The following LRRTM4 variants were observed in gnomAD, a reference collection of about 807,000 sequenced individuals.
LRRTM4 encodes the protein leucine-rich repeat transmembrane neuronal protein 4.
A neutral mutation model predicts 47.6 loss-of-function variants in LRRTM4; 25 were observed. The ratio of observed to expected loss-of-function variants is 0.53; its 90% CI spans 0.38 to 0.73. The LOEUF (loss-of-function observed/expected upper bound fraction) is 0.73, where lower values mean the gene tolerates loss of function less well. Ranked by LOEUF, LRRTM4 falls within the 30% of genes least tolerant of loss-of-function variation. LRRTM4 has a pLI of 0.00. For missense variants in LRRTM4, 638 were observed against 713.4 expected (o/e 0.89, Z 1.20); for synonymous variants, 311 against 269.5 (o/e 1.15, Z -1.51).
intron 3 of LRRTM4, among the ~76,000 whole-genome samples, chr2:76,881,954 T>C (rs1314644656): frequency 6.6e-6 from 1 of 152,188 alleles, no homozygotes; most frequent in Non-Finnish European, 1.5e-5. Flanking sequence ...AACTTCCTGA[T>C]TGGTGAAAGT....
At chr2:76,916,280 G>A (rs886724498) in intron 3 of LRRTM4, among the ~76,000 whole-genome samples, 1 of 149,950 alleles carries the variant, frequency 6.7e-6, no homozygotes, top group Non-Finnish European at 1.5e-5. Context: ...AGCTACTCAG[G>A]AGGCTAAGGC....
At chr2:76,933,175 C>T (rs1477955294) in intron 3 of LRRTM4, among the ~76,000 whole-genome samples, 1 of 152,024 alleles carries the variant, frequency 6.6e-6, no homozygotes, top group Non-Finnish European at 1.5e-5. Flanking sequence ...GAAATGCCAT[C>T]AATTCCCTTC....
chr2:77,042,185 A>G (rs2104179725), intron 3 of LRRTM4, among the ~76,000 whole-genome samples: 1 of 151,696 alleles, frequency 6.6e-6, no homozygotes, highest in East Asian at 1.9e-4. Flanking sequence ...CTATGAATAT[A>G]TATAAGAATG....
At chr2:76,841,212 G>A (rs1671666039) in intron 3 of LRRTM4, among the ~76,000 whole-genome samples, 1 of 151,430 alleles carries the variant, frequency 6.6e-6, no homozygotes. Context: ...ACTCATAGGT[G>A]GGAATTGAAC....
intron 3 of LRRTM4, among the ~76,000 whole-genome samples, chr2:77,360,486 C>CGATAT (rs1558706156): frequency 1.7e-5 from 1 of 57,942 alleles, no homozygotes; most frequent in Non-Finnish European, 5.1e-5. Flanking sequence ...TGATACGATA[C>CGATAT]GATACGATAC....
At chr2:77,136,540 A>G (rs1166803311) in intron 3 of LRRTM4, among the ~76,000 whole-genome samples, 1 of 152,202 alleles carries the variant, frequency 6.6e-6, no homozygotes, top group Non-Finnish European at 1.5e-5. Context: ...ACAGATCAGA[A>G]AAGCTGAAAA....
rs576715248 is a variant in LRRTM4, at chr2:77,453,732, T to G, written c.1551+64586A>C. The stretch of plus-strand genomic sequence containing the variant: ...TTTGCTTATGATATTTCTGTGGTAT[T>G]TCTTTTGGTATGTCTTTCATAAAAA... On this transcript the variant is annotated intron_variant, in intron 3 of 3. Transcript: ENST00000409884. Among the ~76,000 whole-genome samples, 26 of 152,334 alleles carry G rather than the reference T, an allele frequency of 1.7e-4. No homozygotes were observed. The South Asian group carries it at 5.2e-3, about 30-fold the overall frequency.
chr2:77,519,942 G>C lies in LRRTM4; in HGVS notation c.5-78C>G, dbSNP rs774313711. ...CACCGTCGGTTTACCAACAACAGGG[G>C]CATTTCCTCTAGTGTAGGAATGGGA... On this transcript the variant is annotated intron_variant, in intron 2 of 3. Coordinates refer to ENST00000409884, the MANE Select transcript of LRRTM4 (RefSeq NM_001134745.3). This position sits in a 1 kb window ranked among gnomAD's most constrained non-coding sequence, Gnocchi z 4.6. The C allele has an allele frequency of 5.5e-6, 8 of 1,463,230 alleles. No individual in the cohort carries two copies. The highest frequency in any genetic ancestry group is 7.2e-6 in the Non-Finnish European group (8 of 1,109,024). 90.6% of individuals were successfully genotyped at this position (1,463,230 alleles called of 1,614,324 possible).
intron 3 of LRRTM4, among the ~76,000 whole-genome samples, chr2:77,142,232 T>C (rs1186014876): frequency 6.6e-6 from 1 of 152,172 alleles, no homozygotes; most frequent in Admixed American, 6.6e-5. Context: ...CAACATCAAA[T>C]TGTTTTTCAC....
At chr2:76,843,120 G>A (rs1671735865) in intron 3 of LRRTM4, among the ~76,000 whole-genome samples, 1 of 152,114 alleles carries the variant, frequency 6.6e-6, no homozygotes, top group Non-Finnish European at 1.5e-5. Context: ...GTGACAAACA[G>A]TTGATAGCCA....
chr2:77,082,912 CTTG>C (rs1236631516), intron 3 of LRRTM4, among the ~76,000 whole-genome samples: 2 of 152,090 alleles, frequency 1.3e-5, no homozygotes, highest in South Asian at 2.1e-4. Context: ...AGAAGAACGA[CTTG>C]TTGTGCATCT....
intron 3 of LRRTM4, among the ~76,000 whole-genome samples, chr2:76,818,192 TAA>T (rs1670955789): frequency 6.6e-6 from 1 of 151,882 alleles, no homozygotes; most frequent in Non-Finnish European, 1.5e-5. Context: ...TCAAAAATAA[TAA>T]GACAGAGTAA....
intron 3 of LRRTM4, among the ~76,000 whole-genome samples, chr2:77,331,076 C>A (rs563058265): frequency 6.6e-6 from 1 of 152,178 alleles, no homozygotes; most frequent in South Asian, 2.1e-4. Flanking sequence ...ATAAAAGGTG[C>A]AACTGGTGGG....
At position 76,747,950 on chromosome 2, in the gene LRRTM4, C is replaced by T. The variant is rs910992155; in HGVS notation, c.*745G>A. The T allele has an allele frequency of 1.3e-5, 2 of 152,170 alleles. No individual in the cohort carries two copies. The highest frequency in any genetic ancestry group is 4.8e-5 in the African/African-American group (2 of 41,426). 9.4% of individuals were successfully genotyped at this position (152,170 alleles called of 1,614,324 possible). The stretch of plus-strand genomic sequence containing the variant: ...CTTCATGGCTCTCTCAGGCATCCTA[C>T]ACAGTGAGGGCTGCCAATGGGACAA... On this transcript the variant is annotated 3_prime_UTR_variant, in exon 4 of 4. Transcript: ENST00000409884.
Position 77,274,915 on chromosome 2 carries a change from G to A in LRRTM4, c.1551+243403C>T, listed in dbSNP as rs75310883. Reference sequence around the variant, plus strand: ...ATTTGGTAGCCCTCATTGTGAATGGGTTCCATCACATAAACCATGGGCATC... The same window carrying A: ...ATTTGGTAGCCCTCATTGTGAATGGATTCCATCACATAAACCATGGGCATC... On this transcript the variant is annotated intron_variant, in intron 3 of 3. Coordinates refer to ENST00000409884, the MANE Select transcript of LRRTM4 (RefSeq NM_001134745.3). Among the ~76,000 whole-genome samples the A allele has an allele frequency of 4.7e-3, 711 of 152,138 alleles. 16 individuals are homozygous for A. Among genetic ancestry groups the A allele is most frequent in the East Asian group, 0.028 (144 of 5,164 alleles).
At chr2:77,063,332 C>T (rs2103806230) in intron 3 of LRRTM4, among the ~76,000 whole-genome samples, 1 of 152,168 alleles carries the variant, frequency 6.6e-6, no homozygotes, top group Non-Finnish European at 1.5e-5. Context: ...AGTAAGATCT[C>T]CAAAGACTTG....
chr2:77,142,568 A>G (rs1672153171), intron 3 of LRRTM4, among the ~76,000 whole-genome samples: 1 of 152,184 alleles, frequency 6.6e-6, no homozygotes, highest in African/African-American at 2.4e-5. Context: ...TTGAATTCAA[A>G]TATTAGTAAC....
chr2:77,044,553 TGTGA>T (rs1046253744), intron 3 of LRRTM4, among the ~76,000 whole-genome samples: 7 of 150,974 alleles, frequency 4.6e-5, no homozygotes, highest in African/African-American at 7.4e-5. Context: ...TGTGTGTGTC[TGTGA>T]GTGTGTGTGT....
intron 3 of LRRTM4, among the ~76,000 whole-genome samples, chr2:77,320,476 A>C (rs1001866470): frequency 6.6e-6 from 1 of 152,184 alleles, no homozygotes; most frequent in African/African-American, 2.4e-5. Context: ...AATTACAATT[A>C]TTATAAAAAT....
Sources: allele counts gnomAD v4.1 joint callset (sites outside exome capture counted in the v4.1 genomes callset), GRCh38; gene constraint gnomAD v4.1.1; non-coding constraint Gnocchi (gnomAD v3.1); transcripts MANE v1.5; gene names NCBI Gene and HGNC (gene_info 2026-07-23, HGNC 2026-07-21).